The following PTPRT variants were observed in gnomAD, a reference collection of about 807,000 sequenced individuals.
PTPRT encodes receptor-type tyrosine-protein phosphatase T.
In PTPRT, 56 loss-of-function variants were observed where a neutral mutation model predicts 176.8. That is an observed-to-expected ratio of 0.32 (90% CI 0.26 to 0.40). PTPRT has a LOEUF of 0.40. Ranked by LOEUF, PTPRT falls within the 10% of genes least tolerant of loss-of-function variation. PTPRT has a pLI of 1.00. For synonymous variants in PTPRT, 783 were observed against 739.0 expected (o/e 1.06, Z -0.96); for missense variants, 1,540 against 1,908.2 (o/e 0.81, Z 3.60).
At position 42,791,257 on chromosome 20, in the gene PTPRT, C is replaced by A. The variant is rs577588058; in HGVS notation, c.424G>T (p.Val142Phe). Residue 142 changes from valine (V) to phenylalanine (F), a missense_variant, in exon 3 of 31, where the codon GTC (valine) becomes TTC (phenylalanine). By Grantham distance (50) the Val-to-Phe change is conservative. Transcript: ENST00000373187. ...TCTGCCTTCACCCAGCCCTCAGTGA[C>A]GACCCCGGACACATTCCACACAGGG... is the stretch of plus-strand genomic sequence containing the variant. ...GNPVWNVSGVVTEGWVKAELA... is the reference protein window; with the variant it reads ...GNPVWNVSGVFTEGWVKAELA... 6.2e-6 allele frequency: 10 copies of A among 1,612,406 alleles called. No individual in the cohort carries two copies. Among genetic ancestry groups the A allele is most frequent in the Non-Finnish European group, 7.6e-6 (9 of 1,178,598 alleles).
intron 8 of PTPRT, among the ~76,000 whole-genome samples, chr20:42,453,513 C>A (rs2145868460): frequency 6.6e-6 from 1 of 151,914 alleles, no homozygotes; most frequent in South Asian, 2.1e-4. Context: ...ACACATGTGC[C>A]CACTATCTGC....
chr20:42,300,174 C>T (rs2057442954), intron 12 of PTPRT, among the ~76,000 whole-genome samples: 1 of 147,798 alleles, frequency 6.8e-6, no homozygotes, highest in Admixed American at 6.9e-5. Flanking sequence ...AGGAGAATCA[C>T]TTGAACCTGG....
chr20:42,443,099 G>A (rs2059332581), intron 9 of PTPRT, among the ~76,000 whole-genome samples: 1 of 152,218 alleles, frequency 6.6e-6, no homozygotes, highest in African/African-American at 2.4e-5. Context: ...GACGTCAGGT[G>A]AGCAGGAATA....
intron 7 of PTPRT, among the ~76,000 whole-genome samples, chr20:42,500,532 T>G (rs1211242899): frequency 6.6e-6 from 1 of 152,130 alleles, no homozygotes; most frequent in African/African-American, 2.4e-5. Flanking sequence ...ATGTGACTAG[T>G]ATAACATTGT....
At chr20:43,174,763 C>A (rs1451051158) in intron 1 of PTPRT, among the ~76,000 whole-genome samples, 2 of 152,200 alleles carry the variant, frequency 1.3e-5, no homozygotes, top group Non-Finnish European at 2.9e-5. Context: ...AAACAGGTTG[C>A]TTTATCTCCT....
intron 1 of PTPRT, among the ~76,000 whole-genome samples, chr20:43,172,022 A>G (rs997812565): frequency 3.9e-5 from 6 of 152,050 alleles, no homozygotes; most frequent in Non-Finnish European, 7.4e-5. Flanking sequence ...CATTAACACA[A>G]TTCCCTCCCC....
intron 25 of PTPRT, 115 bp downstream of exon 25, chr20:42,104,454 G>T: frequency 8.2e-7 from 1 of 1,214,094 alleles, no homozygotes; most frequent in Non-Finnish European, 1.1e-6. Context: ...GGGCTTCTCA[G>T]CCTCCAGAAA....
chr20:42,218,214 T>C (rs540411882), intron 15 of PTPRT, among the ~76,000 whole-genome samples: 11 of 152,114 alleles, frequency 7.2e-5, no homozygotes, highest in Non-Finnish European at 1.0e-4. Flanking sequence ...ATGAAAACCA[T>C]GTAACGACAT....
intron 19 of PTPRT, among the ~76,000 whole-genome samples, chr20:42,121,202 C>T (rs560382942): frequency 3.3e-5 from 5 of 152,292 alleles, no homozygotes; most frequent in African/African-American, 7.2e-5. Flanking sequence ...TTCACTTGCT[C>T]GATAATGATT....
chr20:43,052,288 A>G (rs1987079433), intron 1 of PTPRT, among the ~76,000 whole-genome samples: 1 of 152,256 alleles, frequency 6.6e-6, no homozygotes, highest in South Asian at 2.1e-4. Context: ...AAACATGTTT[A>G]CTGAACCCAC....
intron 7 of PTPRT, among the ~76,000 whole-genome samples, chr20:42,597,638 A>G (rs1396980889): frequency 6.6e-6 from 1 of 152,048 alleles, no homozygotes; most frequent in Non-Finnish European, 1.5e-5. Flanking sequence ...CTTCCCCTTA[A>G]TTCCGCCATA....
intron 1 of PTPRT, among the ~76,000 whole-genome samples, chr20:43,024,597 A>G (rs1985839178): frequency 6.6e-6 from 1 of 152,082 alleles, no homozygotes; most frequent in Non-Finnish European, 1.5e-5. Flanking sequence ...CTCAAAAAAA[A>G]AAAAAAAAGC....
chr20:43,044,238 G>T (rs1986745592), intron 1 of PTPRT, among the ~76,000 whole-genome samples: 1 of 152,112 alleles, frequency 6.6e-6, no homozygotes, highest in Admixed American at 6.6e-5. Flanking sequence ...GTGGGCAGGG[G>T]CTGGGAGAAG....
chr20:42,505,208 C>A (rs1485146797), intron 7 of PTPRT, among the ~76,000 whole-genome samples: 1 of 152,098 alleles, frequency 6.6e-6, no homozygotes, highest in African/African-American at 2.4e-5. Context: ...CGACTTCATT[C>A]TTTTAATTAT....
intron 4 of PTPRT, among the ~76,000 whole-genome samples, chr20:42,776,286 T>C (rs1326751304): frequency 6.6e-6 from 1 of 152,232 alleles, no homozygotes; most frequent in Non-Finnish European, 1.5e-5. Flanking sequence ...CAGATTTATC[T>C]TTTGATATAT....
intron 12 of PTPRT, among the ~76,000 whole-genome samples, chr20:42,300,999 C>G (rs985063826): frequency 6.6e-6 from 1 of 151,758 alleles, no homozygotes; most frequent in African/African-American, 2.4e-5. Context: ...GGGAGATATA[C>G]CTAATGGCAA....
At chr20:42,345,614 GTGTGTATA>G (rs1239446239) in intron 11 of PTPRT, among the ~76,000 whole-genome samples, 2 of 128,830 alleles carry the variant, frequency 1.6e-5, no homozygotes, top group South Asian at 2.7e-4. Flanking sequence ...GTGTGTGTGT[GTGTGTATA>G]TATATGTATG....
Position 42,622,851 on chromosome 20 carries a change from G to T in PTPRT, c.1153+55015C>A, listed in dbSNP as rs1366371869. On this transcript the variant is annotated intron_variant, in intron 7 of 30. Coordinates refer to ENST00000373187, the MANE Select transcript of PTPRT (RefSeq NM_007050.6). ...TGAAGAAGGCAGTTCCCGGGCAAAGGCCCCCCACCTTCAAGCCAAGAAACC... is the reference window on the plus strand; with the variant it reads ...TGAAGAAGGCAGTTCCCGGGCAAAGTCCCCCCACCTTCAAGCCAAGAAACC... Among the ~76,000 whole-genome samples, 10 of 152,058 alleles carry T rather than the reference G, an allele frequency of 6.6e-5. 1 individual carries two copies. The South Asian group carries it at 1.2e-3, about 19-fold the overall frequency.
At chr20:42,571,853 C>T (rs2073160534) in intron 7 of PTPRT, among the ~76,000 whole-genome samples, 1 of 152,298 alleles carries the variant, frequency 6.6e-6, no homozygotes. Context: ...AATGCCCCAG[C>T]CCCTTCACTG....
Sources: allele counts gnomAD v4.1 joint callset (sites outside exome capture counted in the v4.1 genomes callset), GRCh38; gene constraint gnomAD v4.1.1; transcripts MANE v1.5; gene names NCBI Gene and HGNC (gene_info 2026-07-23, HGNC 2026-07-21).